Variants in CCDC102B observed in about 807,000 individuals in gnomAD.
CCDC102B encodes coiled-coil domain-containing protein 102B.
A neutral mutation model predicts 57.4 loss-of-function variants in CCDC102B; 75 were observed. The ratio of observed to expected loss-of-function variants is 1.31; its 90% CI spans 1.08 to 1.58. The LOEUF is 1.58. Ranked by LOEUF, CCDC102B falls within the 40% of genes most tolerant of loss-of-function variation. CCDC102B has a pLI of 0.00. For synonymous variants in CCDC102B, 206 were observed against 201.9 expected (o/e 1.02, Z -0.17); for missense variants, 636 against 582.6 (o/e 1.09, Z -0.94).
At chr18:68,821,010 T>C (rs1472735837) in intron 1 of CCDC102B, among the ~76,000 whole-genome samples, 3 of 152,180 alleles carry the variant, frequency 2.0e-5, no homozygotes, top group African/African-American at 7.2e-5. Flanking sequence ...TTTTCTTGTT[T>C]GAACTTATAT....
chr18:69,008,875 C>T (rs375526643), intron 6 of CCDC102B, among the ~76,000 whole-genome samples: 1 of 152,256 alleles, frequency 6.6e-6, no homozygotes. Context: ...GACATCTCTC[C>T]ATGTGAATAT....
At chr18:68,950,583 T>G (rs2049668595) in intron 6 of CCDC102B, among the ~76,000 whole-genome samples, 2 of 152,126 alleles carry the variant, frequency 1.3e-5, no homozygotes, top group Admixed American at 1.3e-4. Flanking sequence ...CTATTATATT[T>G]CTAGGTAATG....
chr18:69,040,878 C>G (rs2052417431), intron 7 of CCDC102B, among the ~76,000 whole-genome samples: 1 of 151,974 alleles, frequency 6.6e-6, no homozygotes. Flanking sequence ...CATTTTGAAT[C>G]TAATTCTTTA....
At chr18:68,866,870 T>G (rs571564703) in intron 4 of CCDC102B, 2 of 670,948 alleles carry the variant, frequency 3.0e-6, no homozygotes, top group Admixed American at 3.7e-5. Flanking sequence ...CACAGCTACA[T>G]TGGCACTCCT....
At chr18:69,047,059 G>A in intron 7 of CCDC102B, among the ~76,000 whole-genome samples, 1 of 152,096 alleles carries the variant, frequency 6.6e-6, no homozygotes, top group Non-Finnish European at 1.5e-5. Context: ...TTTTTGCTTA[G>A]AATTGCCTTG....
intron 1 of CCDC102B, among the ~76,000 whole-genome samples, chr18:68,814,586 C>CA (rs2036405111): frequency 6.6e-6 from 1 of 151,982 alleles, no homozygotes; most frequent in South Asian, 2.1e-4. Flanking sequence ...TAAAATATAG[C>CA]AATTTTCTCT....
intron 7 of CCDC102B, among the ~76,000 whole-genome samples, chr18:69,013,578 G>A (rs889570767): frequency 1.3e-5 from 2 of 152,148 alleles, no homozygotes; most frequent in African/African-American, 4.8e-5. Flanking sequence ...AAGAAAATAT[G>A]TTGAAGTCTG....
intron 1 of CCDC102B, among the ~76,000 whole-genome samples, chr18:68,814,286 T>A (rs1476616263): frequency 6.6e-6 from 1 of 152,058 alleles, no homozygotes; most frequent in Non-Finnish European, 1.5e-5. Flanking sequence ...ACTTTTTTTC[T>A]AGGCTTTTTT....
At chr18:68,887,522 G>A (rs186161666) in intron 5 of CCDC102B, among the ~76,000 whole-genome samples, 78 of 152,274 alleles carry the variant, frequency 5.1e-4, no homozygotes, top group Middle Eastern at 6.8e-3. Context: ...TCGATCCATA[G>A]GCATTGACAT....
chr18:68,855,878 A>G (rs985267806), intron 4 of CCDC102B, among the ~76,000 whole-genome samples: 8 of 152,282 alleles, frequency 5.3e-5, no homozygotes, highest in African/African-American at 1.9e-4. Flanking sequence ...TTCCCATAGG[A>G]AAAATTCAGG....
intron 7 of CCDC102B, 38 bp downstream of exon 7, chr18:69,011,142 T>TA: frequency 2.6e-6 from 4 of 1,559,178 alleles, no homozygotes; most frequent in Non-Finnish European, 3.5e-6. Context: ...GGACAGCTTC[T>TA]AAATAGTATT....
In CCDC102B at chr18:69,055,063, G is replaced by A; in HGVS notation, c.*926G>A. On this transcript the variant is annotated 3_prime_UTR_variant, in exon 8 of 8. Transcript: ENST00000360242. Reference sequence around the variant, plus strand: ...TTTCCATACCTATTTTCAACTGAAGGCAACTTGTAAGATTTAACTCAGTCA... The same window carrying A: ...TTTCCATACCTATTTTCAACTGAAGACAACTTGTAAGATTTAACTCAGTCA... The A allele has an allele frequency of 1.0e-6, 1 of 982,992 alleles. No individual in the cohort carries two copies. The highest frequency in any genetic ancestry group is 6.2e-5 in the Admixed American group (1 of 16,218). 60.9% of individuals were successfully genotyped at this position (982,992 alleles called of 1,614,324 possible).
chr18:68,828,034 T>C (rs2036975481), intron 1 of CCDC102B, among the ~76,000 whole-genome samples: 1 of 151,842 alleles, frequency 6.6e-6, no homozygotes, highest in Admixed American at 6.6e-5. Flanking sequence ...ATAATGATCC[T>C]ATATGAGTAT....
intron 2 of CCDC102B, among the ~76,000 whole-genome samples, chr18:68,732,699 C>T (rs1022927691): frequency 1.3e-5 from 2 of 152,096 alleles, no homozygotes; most frequent in Non-Finnish European, 2.9e-5. Flanking sequence ...TTTTGTAACC[C>T]TCACCTGCCT....
At chr18:68,750,007 G>GA (rs1261379406) in intron 2 of CCDC102B, among the ~76,000 whole-genome samples, 4 of 151,720 alleles carry the variant, frequency 2.6e-5, no homozygotes, top group Non-Finnish European at 5.9e-5. Flanking sequence ...TACAGAATGG[G>GA]AAAAAAATTT....
At position 68,716,782 on chromosome 18, in the gene CCDC102B, A is replaced by C. The variant is rs182419786; in HGVS notation, c.-67+188A>C. Among the ~76,000 whole-genome samples the C allele has an allele frequency of 1.2e-3, 173 of 150,102 alleles. 1 individual carries two copies. Among genetic ancestry groups the C allele is most frequent in the South Asian group, 8.3e-4 (4 of 4,816 alleles). On this transcript the variant is annotated intron_variant, in intron 2 of 3. Transcript: ENST00000578970. Reference sequence around the variant, plus strand: ...GACCCCATCTGTACAAAAAATTAAAAAATTAGCCAGATGTGGCCTGGCGCG... The same window carrying C: ...GACCCCATCTGTACAAAAAATTAAACAATTAGCCAGATGTGGCCTGGCGCG...
At chr18:69,018,355 G>A (rs1024117906) in intron 7 of CCDC102B, among the ~76,000 whole-genome samples, 1 of 152,124 alleles carries the variant, frequency 6.6e-6, no homozygotes, top group Admixed American at 6.5e-5. Flanking sequence ...CCCTCATACT[G>A]TTCTCCATAA....
intron 7 of CCDC102B, among the ~76,000 whole-genome samples, chr18:69,042,789 A>C (rs2052465033): frequency 6.6e-6 from 1 of 152,122 alleles, no homozygotes; most frequent in South Asian, 2.1e-4. Context: ...CTTTTGAAAG[A>C]GATTTGAAAA....
At position 68,789,116 on chromosome 18, in the gene CCDC102B, T is replaced by C. The variant is rs995282064; in HGVS notation, c.-66-34250T>C. 5.1e-3 allele frequency among the ~76,000 whole-genome samples: 770 copies of C among 152,294 alleles called. 3 individuals are homozygous for C. The highest frequency in any genetic ancestry group is 7.8e-3 in the Non-Finnish European group (531 of 68,012). ...CTTAGTTTGGCTGGATATGAAATTCTGGGTTGAAAATTCTTGTCTTTAAGA... is the reference window on the plus strand; with the variant it reads ...CTTAGTTTGGCTGGATATGAAATTCCGGGTTGAAAATTCTTGTCTTTAAGA... On this transcript the variant is annotated intron_variant, in intron 2 of 3. Coordinates refer to the CCDC102B transcript ENST00000578970.
Sources: gnomAD v4.1 joint callset for allele counts (sites outside exome capture counted in the v4.1 genomes callset) on GRCh38, gnomAD v4.1.1 for gene constraint, MANE v1.5 for transcripts, NCBI Gene and HGNC (gene_info 2026-07-23, HGNC 2026-07-21) for gene names.